PRDM2: variants seen among roughly 807,000 people sequenced by gnomAD.
PRDM2 encodes the protein PR domain zinc finger protein 2.
PRDM2 carries 30 observed loss-of-function variants against 130.0 expected under a neutral mutation model. The observed-to-expected ratio is 0.23, with a 90% CI of 0.17 to 0.31. The LOEUF is 0.31. PRDM2 is among the 10% of genes least tolerant of loss of function. PRDM2 has a pLI of 1.00. For synonymous variants in PRDM2, 871 were observed against 782.4 expected (o/e 1.11, Z -1.89); for missense variants, 2,011 against 2,108.4 (o/e 0.95, Z 0.90).
intron 4 of PRDM2, 101 bp from the exon 5 acceptor site, chr1:13,741,904 T>C (rs1385770894): frequency 4.4e-6 from 4 of 917,648 alleles, no homozygotes; most frequent in African/African-American, 1.7e-5. Context: ...ATAGAGTACT[T>C]GCATATAATG....
chr1:13,823,187 C>T lies in PRDM2; in HGVS notation c.*52C>T. 1.2e-6 allele frequency: 2 copies of T among 1,613,446 alleles called. No individual in the cohort carries two copies. Among genetic ancestry groups the T allele is most frequent in the Non-Finnish European group, 1.7e-6 (2 of 1,179,530 alleles). ...CTGAAGTGACCTGGAATCAGTGAAG[C>T]CAAAGGGACTGGCAGTCTGCCCTGC... On this transcript the variant is annotated 3_prime_UTR_variant, in exon 10 of 10. Transcript: ENST00000311066.
At chr1:13,708,239 G>C (rs1469160650) in intron 1 of PRDM2, among the ~76,000 whole-genome samples, 2 of 151,772 alleles carry the variant, frequency 1.3e-5, no homozygotes, top group Non-Finnish European at 2.9e-5. Context: ...AAGAACCCTG[G>C]AATGCCACAA....
chr1:13,811,248 A>G (rs1487348154), intron 8 of PRDM2, among the ~76,000 whole-genome samples: 2 of 152,136 alleles, frequency 1.3e-5, no homozygotes, highest in African/African-American at 4.8e-5. Flanking sequence ...ACTTTCTACA[A>G]CGTTCTAGGC....
At chr1:13,777,918 T>G (rs2100654677) in intron 7 of PRDM2, among the ~76,000 whole-genome samples, 1 of 152,242 alleles carries the variant, frequency 6.6e-6, no homozygotes, top group Middle Eastern at 3.4e-3. Flanking sequence ...AATAACATTT[T>G]ATTTAAGAGG....
intron 8 of PRDM2, among the ~76,000 whole-genome samples, chr1:13,788,242 A>ATG (rs1644780562): frequency 6.6e-6 from 1 of 152,212 alleles, no homozygotes; most frequent in Non-Finnish European, 1.5e-5. Flanking sequence ...GTAACTGAAT[A>ATG]TGTGCTCATT....
At chr1:13,711,385 G>GAATACGT (rs59155359) in intron 1 of PRDM2, among the ~76,000 whole-genome samples, 2 of 152,008 alleles carry the variant, frequency 1.3e-5, no homozygotes, top group Admixed American at 6.5e-5. Flanking sequence ...AGTTGCTTTA[G>GAATACGT]TATTCTATTG....
intron 6 of PRDM2, among the ~76,000 whole-genome samples, chr1:13,758,301 G>A (rs1336995932): frequency 6.6e-6 from 1 of 151,864 alleles, no homozygotes; most frequent in African/African-American, 2.4e-5. Flanking sequence ...AAAATTAGCT[G>A]GGCGTGGTGG....
At chr1:13,752,160 A>G (rs945300011) in intron 6 of PRDM2, among the ~76,000 whole-genome samples, 3 of 152,362 alleles carry the variant, frequency 2.0e-5, no homozygotes, top group South Asian at 2.1e-4. Flanking sequence ...TAGGCCCTCA[A>G]TAAATATTCA....
chr1:13,759,111 C>T (rs143974564), intron 6 of PRDM2, among the ~76,000 whole-genome samples: 63 of 150,926 alleles, frequency 4.2e-4, no homozygotes, highest in African/African-American at 1.3e-3. Flanking sequence ...AAGGATTGGC[C>T]GGTTAAAAAG....
At chr1:13,761,464 GT>G (rs1473545201) in intron 6 of PRDM2, among the ~76,000 whole-genome samples, 11 of 152,278 alleles carry the variant, frequency 7.2e-5, no homozygotes, top group African/African-American at 2.2e-4. Context: ...CCGATGATCT[GT>G]GCAGCATCTT....
chr1:13,722,019 T>C (rs1029542001), intron 2 of PRDM2, among the ~76,000 whole-genome samples: 4 of 152,246 alleles, frequency 2.6e-5, no homozygotes, highest in Non-Finnish European at 5.9e-5. Flanking sequence ...CCGTAAATTA[T>C]TATTTATTAC....
intron 8 of PRDM2, chr1:13,788,168 CTAATT>C (rs966245441): frequency 2.2e-6 from 2 of 893,570 alleles, no homozygotes; most frequent in Admixed American, 6.2e-5. Context: ...AGCCCGCACT[CTAATT>C]TAAAAGTGCG....
At chr1:13,760,344 C>A (rs1185243775) in intron 6 of PRDM2, among the ~76,000 whole-genome samples, 1 of 151,902 alleles carries the variant, frequency 6.6e-6, no homozygotes, top group Non-Finnish European at 1.5e-5. Context: ...AAAAAAAAAA[C>A]CTGCCTAAAA....
intron 9 of PRDM2, among the ~76,000 whole-genome samples, chr1:13,819,216 T>A (rs376112169): frequency 3.3e-5 from 5 of 152,304 alleles, no homozygotes; most frequent in African/African-American, 1.2e-4. Flanking sequence ...ACTGGGCCAT[T>A]TCTGTTGGCC....
Position 13,746,038 on chromosome 1 carries a change from T to G in PRDM2, c.385-3323T>G, listed in dbSNP as rs566587443. 6.6e-5 allele frequency among the ~76,000 whole-genome samples: 10 copies of G among 152,320 alleles called. No homozygotes were observed. The South Asian group carries it at 1.7e-3, about 25-fold the overall frequency. Reference sequence around the variant, plus strand: ...ATTCCTTACCCAGTATAAGGAATATTAGAACTCTTGCTTCTTCCTGATTTG... The same window carrying G: ...ATTCCTTACCCAGTATAAGGAATATGAGAACTCTTGCTTCTTCCTGATTTG... On this transcript the variant is annotated intron_variant, in intron 5 of 9. Coordinates refer to ENST00000311066, the MANE Select transcript of PRDM2 (RefSeq NM_001393986.1).
intron 2 of PRDM2, among the ~76,000 whole-genome samples, chr1:13,725,298 G>A (rs1489541938): frequency 2.0e-5 from 3 of 152,096 alleles, no homozygotes; most frequent in Admixed American, 6.5e-5. Context: ...TCCGCCTCCC[G>A]GGTTCAAGTG....
At chr1:13,719,704 C>T (rs1248805827) in intron 2 of PRDM2, among the ~76,000 whole-genome samples, 2 of 152,146 alleles carry the variant, frequency 1.3e-5, no homozygotes, top group East Asian at 1.9e-4. Flanking sequence ...TTTGTGTTTT[C>T]ATCTGTTTAT....
At position 13,779,520 on chromosome 1, in the gene PRDM2, A is replaced by G. The variant is rs779703114; in HGVS notation, c.1725A>G (p.Gln575=). ...NLNYYIDGKI[Q]TNNNTSNCDV... ...ATTACTATATTGATGGTAAAATTCA[A>G]ACTAATAACAACACTAGTAACTGTG... Residue 575 remains glutamine, a synonymous_variant, in exon 8 of 10, where the codon CAA becomes CAG. Coordinates refer to ENST00000311066, the MANE Select transcript of PRDM2 (RefSeq NM_001393986.1). The surrounding 1 kb of genome is among the most constrained non-coding windows in gnomAD (Gnocchi z 4.9). The G allele has an allele frequency of 6.8e-6, 11 of 1,614,034 alleles. No homozygotes were observed. The highest frequency in any genetic ancestry group is 9.3e-6 in the Non-Finnish European group (11 of 1,179,978).
chr1:13,708,701 T>C (rs1181912500), intron 1 of PRDM2, among the ~76,000 whole-genome samples: 3 of 152,220 alleles, frequency 2.0e-5, no homozygotes, highest in African/African-American at 7.2e-5. Context: ...GTATCTCTTA[T>C]ATATTTGTAG....
Sources: gnomAD v4.1 joint callset for allele counts (sites outside exome capture counted in the v4.1 genomes callset) on GRCh38, gnomAD v4.1.1 for gene constraint, Gnocchi (gnomAD v3.1) non-coding constraint, MANE v1.5 for transcripts, NCBI Gene and HGNC (gene_info 2026-07-23, HGNC 2026-07-21) for gene names.